The following ENTREP3 variants were observed in gnomAD, a reference collection of about 807,000 sequenced individuals.
ENTREP3 encodes the protein endosomal transmembrane epsin interactor 3.
At chr1:155,250,350 TGAG>T in the ENTREP3 span, 1 of 1,535,920 alleles carries the variant, frequency 6.5e-7, no homozygotes, top group Non-Finnish European at 8.8e-7. This position sits in a 1 kb window ranked among gnomAD's most constrained non-coding sequence, Gnocchi z 5.4. Context: ...GGATGCCGGA[TGAG>T]GAGGCCGGTG....
the ENTREP3 span, among the ~76,000 whole-genome samples, chr1:155,248,699 C>T: frequency 6.6e-6 from 1 of 150,754 alleles, no homozygotes; most frequent in Non-Finnish European, 1.5e-5. Context: ...CAGTGCTGAG[C>T]GTTCCCCAGT....
At chr1:155,251,916 A>G in the ENTREP3 span, 1 of 1,424,360 alleles carries the variant, frequency 7.0e-7, no homozygotes, top group East Asian at 2.7e-5. Flanking sequence ...CTGCTGGGGA[A>G]GCGAGCAGGT....
the ENTREP3 span, chr1:155,247,830 G>A: frequency 1.3e-6 from 2 of 1,482,952 alleles, no homozygotes; most frequent in South Asian, 1.4e-5. Context: ...GGCTGTGGGG[G>A]CGGGTACCAC....
the ENTREP3 span, chr1:155,254,875 C>T: frequency 1.3e-6 from 2 of 1,561,310 alleles, no homozygotes; most frequent in Non-Finnish European, 1.7e-6. This position sits in a 1 kb window ranked among gnomAD's most constrained non-coding sequence, Gnocchi z 4.4. Flanking sequence ...GCGAGGGCAT[C>T]ATGCCTGCTG....
the ENTREP3 span, chr1:155,251,223 G>C: frequency 1.1e-5 from 15 of 1,359,926 alleles, no homozygotes; most frequent in South Asian, 2.1e-4. Context: ...CCATGTGCTA[G>C]ACAGAGCTCT....
At chr1:155,250,720 C>G in the ENTREP3 span, 4 of 1,613,018 alleles carry the variant, frequency 2.5e-6, no homozygotes, top group South Asian at 3.3e-5. This position sits in a 1 kb window ranked among gnomAD's most constrained non-coding sequence, Gnocchi z 5.4. Flanking sequence ...ACGGAGCGCA[C>G]GGAGCCCTGC....
chr1:155,247,552 A>ACAG, the ENTREP3 span: 1 of 711,054 alleles, frequency 1.4e-6, no homozygotes, highest in Non-Finnish European at 2.6e-6. Flanking sequence ...AAGAAGGGGC[A>ACAG]TCTCCCCCAC....
At chr1:155,254,331 G>A in the ENTREP3 span, 2 of 1,565,370 alleles carry the variant, frequency 1.3e-6, no homozygotes, top group Admixed American at 1.7e-5. The surrounding 1 kb of genome is among the most constrained non-coding windows in gnomAD (Gnocchi z 4.4). Flanking sequence ...CCTTCTTGAG[G>A]ACATAAATGG....
chr1:155,254,889 G>A, the ENTREP3 span: 9 of 1,547,472 alleles, frequency 5.8e-6, no homozygotes, highest in Non-Finnish European at 1.7e-6. This position sits in a 1 kb window ranked among gnomAD's most constrained non-coding sequence, Gnocchi z 4.4. Flanking sequence ...CCTGCTGCCC[G>A]GTTGCCTGCG....
the ENTREP3 span, chr1:155,250,404 C>A: frequency 2.2e-6 from 2 of 919,364 alleles, no homozygotes. The surrounding 1 kb of genome is among the most constrained non-coding windows in gnomAD (Gnocchi z 5.4). Flanking sequence ...GCTGAAGCGA[C>A]GAGTCGGGGC....
At chr1:155,249,269 T>G in the ENTREP3 span, among the ~76,000 whole-genome samples, 1 of 151,202 alleles carries the variant, frequency 6.6e-6, no homozygotes, top group East Asian at 2.0e-4. Context: ...TTTTGTATTT[T>G]TAGTAGAGAT....
the ENTREP3 span, chr1:155,252,182 C>T: frequency 7.5e-6 from 3 of 398,560 alleles, no homozygotes; most frequent in Non-Finnish European, 1.3e-5. Flanking sequence ...AATGTCCACC[C>T]TTTAGCCTCA....
chr1:155,252,531 G>A, the ENTREP3 span, among the ~76,000 whole-genome samples: 4 of 149,034 alleles, frequency 2.7e-5, no homozygotes, highest in Non-Finnish European at 5.9e-5. Context: ...CACCACACCC[G>A]GATAATTTTT....
At chr1:155,251,875 G>A in the ENTREP3 span, 4 of 1,497,580 alleles carry the variant, frequency 2.7e-6, no homozygotes, top group Admixed American at 1.1e-4. Flanking sequence ...AGAGGTCCCA[G>A]TGGGCCTGAG....
the ENTREP3 span, chr1:155,254,277 A>G: frequency 8.2e-4 from 1,221 of 1,490,360 alleles, 10 homozygotes; most frequent in African/African-American, 0.015. This position sits in a 1 kb window ranked among gnomAD's most constrained non-coding sequence, Gnocchi z 4.4. Flanking sequence ...TCCTTCACAG[A>G]CACTTCGTGC....
chr1:155,253,685 G>T, the ENTREP3 span: 1 of 1,612,940 alleles, frequency 6.2e-7, no homozygotes. Context: ...AGAGTGTACA[G>T]ATTATAGCGG....
At chr1:155,248,030 C>T in the ENTREP3 span, 1 of 1,614,094 alleles carries the variant, frequency 6.2e-7, no homozygotes. Context: ...AACATCTTTC[C>T]TGGCTCCCCG....
the ENTREP3 span, chr1:155,252,022 C>A: frequency 2.7e-6 from 2 of 731,068 alleles, no homozygotes; most frequent in Middle Eastern, 2.9e-4. Flanking sequence ...CTGAGAGAAG[C>A]TCTTGTTCTG....
At chr1:155,247,502 C>T in the ENTREP3 span, 1 of 677,594 alleles carries the variant, frequency 1.5e-6, no homozygotes, top group South Asian at 1.5e-5. Context: ...CACTCTCATT[C>T]TGAGGGGGAC....
Sources: allele counts gnomAD v4.1 joint callset (sites outside exome capture counted in the v4.1 genomes callset), GRCh38; gene constraint gnomAD v4.1.1; non-coding constraint Gnocchi (gnomAD v3.1); transcripts MANE v1.5; gene names NCBI Gene and HGNC (gene_info 2026-07-23, HGNC 2026-07-21).